Variants in TAFA1 observed in about 807,000 individuals in gnomAD.
The protein encoded by TAFA1 is TAFA chemokine like family member 1, also known as chemokine-like protein TAFA-1.
In TAFA1, 4 loss-of-function variants were observed where a neutral mutation model predicts 18.5. The observed-to-expected ratio is 0.22, with a 90% CI of 0.11 to 0.49. The LOEUF is 0.49. Ranked by LOEUF, TAFA1 falls within the 20% of genes least tolerant of loss-of-function variation. TAFA1 has a pLI of 0.98. For missense variants in TAFA1, 147 were observed against 169.0 expected (o/e 0.87, Z 0.72); for synonymous variants, 56 against 55.2 (o/e 1.01, Z -0.06).
intron 2 of TAFA1, among the ~76,000 whole-genome samples, chr3:68,276,798 G>A (rs2107246417): frequency 6.6e-6 from 1 of 152,170 alleles, no homozygotes; most frequent in South Asian, 2.1e-4. Flanking sequence ...AAAATAGTTT[G>A]TGGAGGGAGG....
intron 2 of TAFA1, among the ~76,000 whole-genome samples, chr3:68,058,671 A>C (rs2064564418): frequency 6.6e-6 from 1 of 152,230 alleles, no homozygotes. Context: ...AAAACGATAC[A>C]CAAAGCCACA....
chr3:68,522,525 C>A (rs1198604763), intron 3 of TAFA1, among the ~76,000 whole-genome samples: 1 of 152,194 alleles, frequency 6.6e-6, no homozygotes, highest in Admixed American at 6.5e-5. Context: ...TCAGAGGCAG[C>A]ACCTAAGTCA....
chr3:68,303,078 G>T (rs1359114454), intron 2 of TAFA1, among the ~76,000 whole-genome samples: 2 of 152,062 alleles, frequency 1.3e-5, no homozygotes, highest in Non-Finnish European at 2.9e-5. Context: ...CATAAAAAAT[G>T]CTCAATAAAT....
chr3:68,063,899 A>G (rs2064638692), intron 2 of TAFA1, among the ~76,000 whole-genome samples: 3 of 152,204 alleles, frequency 2.0e-5, no homozygotes, highest in Admixed American at 6.6e-5. Context: ...GTAGCAGTAA[A>G]TAAAAAGATT....
chr3:68,325,612 T>C (rs2106716645), intron 2 of TAFA1, among the ~76,000 whole-genome samples: 1 of 152,344 alleles, frequency 6.6e-6, no homozygotes, highest in South Asian at 2.1e-4. Context: ...AACTTCTTTT[T>C]ACTTAGGTCT....
chr3:68,043,508 A>G (rs1705209576), intron 2 of TAFA1, among the ~76,000 whole-genome samples: 1 of 152,248 alleles, frequency 6.6e-6, no homozygotes, highest in East Asian at 1.9e-4. Context: ...CAAATAGAAT[A>G]AAGAATACTG....
At chr3:68,126,677 A>G (rs2065468601) in intron 2 of TAFA1, among the ~76,000 whole-genome samples, 1 of 152,264 alleles carries the variant, frequency 6.6e-6, no homozygotes, top group African/African-American at 2.4e-5. Context: ...TTATGGAAAG[A>G]TGCACAGTTA....
intron 2 of TAFA1, among the ~76,000 whole-genome samples, chr3:68,201,783 A>C (rs1331688104): frequency 4.6e-5 from 7 of 151,758 alleles, no homozygotes. Flanking sequence ...ATGGTTCTAC[A>C]AGATGGGAAG....
intron 3 of TAFA1, among the ~76,000 whole-genome samples, chr3:68,424,064 CA>C (rs1428999568): frequency 6.6e-6 from 1 of 151,892 alleles, no homozygotes; most frequent in South Asian, 2.1e-4. Context: ...AAGTTTAAAA[CA>C]AAACAAAACA....
intron 2 of TAFA1, among the ~76,000 whole-genome samples, chr3:68,399,467 A>T (rs905736292): frequency 8.1e-4 from 124 of 152,150 alleles, no homozygotes; most frequent in African/African-American, 3.0e-3. Context: ...GCTAGGAATC[A>T]ATGATGGTGA....
At chr3:68,002,591 T>C (rs1704295457), upstream of TAFA1, among the ~76,000 whole-genome samples, 2 of 152,256 alleles carry the variant, frequency 1.3e-5, no homozygotes, top group African/African-American at 4.8e-5. Flanking sequence ...CCTGGTGTAA[T>C]ATGTACCTCT....
At chr3:68,181,912 A>T (rs1191838709) in intron 2 of TAFA1, among the ~76,000 whole-genome samples, 1 of 152,194 alleles carries the variant, frequency 6.6e-6, no homozygotes, top group East Asian at 1.9e-4. Context: ...CTATATGATA[A>T]ATACAGTTTA....
intron 2 of TAFA1, among the ~76,000 whole-genome samples, chr3:68,120,184 T>C (rs1157237092): frequency 9.4e-4 from 16 of 17,110 alleles, no homozygotes; most frequent in African/African-American, 1.5e-4. Context: ...TTTCTTTCTT[T>C]CTTTCTTTCT....
intron 2 of TAFA1, among the ~76,000 whole-genome samples, chr3:68,179,591 A>C (rs2066169773): frequency 6.6e-6 from 1 of 152,158 alleles, no homozygotes; most frequent in Non-Finnish European, 1.5e-5. Context: ...GCACTTATCT[A>C]GTGATTTATT....
intron 2 of TAFA1, among the ~76,000 whole-genome samples, chr3:68,219,663 C>A (rs2066705813): frequency 6.6e-6 from 1 of 152,132 alleles, no homozygotes; most frequent in Non-Finnish European, 1.5e-5. Context: ...ACCTTTTAAA[C>A]ATTTCACCTG....
intron 2 of TAFA1, among the ~76,000 whole-genome samples, chr3:68,365,355 C>T (rs1002603105): frequency 1.8e-4 from 28 of 152,104 alleles, no homozygotes; most frequent in Non-Finnish European, 3.5e-4. Flanking sequence ...AATATTGGTA[C>T]CCAGAGAAGT....
At chr3:68,190,825 A>G (rs181551330) in intron 2 of TAFA1, among the ~76,000 whole-genome samples, 13 of 151,926 alleles carry the variant, frequency 8.6e-5, no homozygotes, top group Non-Finnish European at 1.6e-4. Context: ...CTAATTAACT[A>G]TATATCTTGA....
intron 3 of TAFA1, among the ~76,000 whole-genome samples, chr3:68,499,716 C>T (rs1212944527): frequency 4.6e-5 from 7 of 151,740 alleles, no homozygotes; most frequent in African/African-American, 1.5e-4. Flanking sequence ...CAGAAATAAA[C>T]GTATGAATAA....
intron 2 of TAFA1, among the ~76,000 whole-genome samples, chr3:68,293,416 T>C (rs142509785): frequency 1.7e-3 from 263 of 152,230 alleles, no homozygotes; most frequent in African/African-American, 6.2e-3. Flanking sequence ...AAAATCCCTG[T>C]TGTAGATCAA....
Sources: gnomAD v4.1 joint callset for allele counts (sites outside exome capture counted in the v4.1 genomes callset) on GRCh38, gnomAD v4.1.1 for gene constraint, MANE v1.5 for transcripts, NCBI Gene and HGNC (gene_info 2026-07-23, HGNC 2026-07-21) for gene names.